NDRG2: variants seen among roughly 807,000 people sequenced by gnomAD.
NDRG2 encodes NDRG family member 2, also known as protein NDRG2.
In NDRG2, 34 loss-of-function variants were observed where a neutral mutation model predicts 58.2. That is an observed-to-expected ratio of 0.58 (90% CI 0.44 to 0.78). The LOEUF is 0.78. Ranked by LOEUF, NDRG2 falls within the 30% of genes least tolerant of loss-of-function variation. The pLI, the probability that NDRG2 is intolerant of heterozygous loss-of-function variation, is 0.00. For missense variants in NDRG2, 434 were observed against 471.2 expected, an observed-to-expected ratio of 0.92 and a Z score of 0.73; for synonymous variants, 187 against 175.9, an observed-to-expected ratio of 1.06 and a Z score of -0.50.
chr14:21,054,045 C>G (rs927702369), intron 1 of NDRG2, among the ~76,000 whole-genome samples: 1 of 152,130 alleles, frequency 6.6e-6, no homozygotes, highest in Non-Finnish European at 1.5e-5. Flanking sequence ...GAGTTGTACT[C>G]TCAGGGGTGA....
At chr14:21,019,467 C>T in intron 10 of NDRG2, 172 bp downstream of exon 10, 1 of 611,288 alleles carries the variant, frequency 1.6e-6, no homozygotes, top group Non-Finnish European at 2.9e-6. Flanking sequence ...CAGCCCCTTG[C>T]AATCCTTCCC....
At chr14:21,062,405 TC>T (rs1323231412) in intron 1 of NDRG2, among the ~76,000 whole-genome samples, 1 of 152,174 alleles carries the variant, frequency 6.6e-6, no homozygotes, top group Admixed American at 6.6e-5. Context: ...TGGACCTCTG[TC>T]TCTCCTCAGC....
chr14:21,040,519 A>G (rs372506772), intron 1 of NDRG2, among the ~76,000 whole-genome samples: 75 of 152,330 alleles, frequency 4.9e-4, no homozygotes, highest in South Asian at 2.7e-3. Flanking sequence ...CTTTAAGCTG[A>G]CACGTTCTTT....
upstream of NDRG2, chr14:21,025,375 G>A (rs1038500863): frequency 7.1e-6 from 7 of 985,554 alleles, no homozygotes; most frequent in Non-Finnish European, 6.0e-6. The surrounding 1 kb of genome is among the most constrained non-coding windows in gnomAD (Gnocchi z 5.1). Flanking sequence ...GCTGCCCTCA[G>A]CACCGCCCCA....
intron 7 of NDRG2, 94 bp from the exon 8 acceptor site, chr14:21,020,676 T>C: frequency 6.3e-7 from 1 of 1,575,018 alleles, no homozygotes; most frequent in Non-Finnish European, 8.7e-7. Flanking sequence ...CCACAGGGCC[T>C]GACTCCCCAC....
In NDRG2 at chr14:21,070,281, G is replaced by T. The variant is rs1179377535; in HGVS notation, c.24+547C>A. 6.2e-6 allele frequency: 7 copies of T among 1,120,560 alleles called. No homozygotes were observed. The highest frequency in any genetic ancestry group is 1.6e-5 in the African/African-American group (1 of 61,408). The allele number at this position is 1,120,560 out of a possible 1,614,324, so 69.4% of individuals were successfully genotyped here. A position where few individuals can be genotyped will look rare whatever the true frequency, so the allele number is the denominator to read the frequency against. ...AGCCGGAGCGGGCCGAGCCGCCACC[G>T]CGGCCGGAGCTGTCCCTTAGCCAGA... On this transcript the variant is annotated intron_variant, in intron 1 of 14. Coordinates refer to the NDRG2 transcript ENST00000403829. This position sits in a 1 kb window ranked among gnomAD's most constrained non-coding sequence, Gnocchi z 4.7.
At chr14:21,021,991 C>A in intron 5 of NDRG2, 71 bp downstream of exon 5, 1 of 1,612,442 alleles carries the variant, frequency 6.2e-7, no homozygotes, top group Non-Finnish European at 8.5e-7. Flanking sequence ...TTTCCTCCTC[C>A]CCAGTCGAAC....
intron 1 of NDRG2, among the ~76,000 whole-genome samples, chr14:21,063,271 G>A (rs1010639461): frequency 2.0e-5 from 3 of 152,174 alleles, no homozygotes; most frequent in Admixed American, 1.3e-4. Context: ...TGTTCAGGGT[G>A]AGGAAGTAAA....
At chr14:21,034,061 A>G in intron 1 of NDRG2, 1 of 1,614,214 alleles carries the variant, frequency 6.2e-7, no homozygotes, top group Non-Finnish European at 8.5e-7. Context: ...TCCAAGGGGC[A>G]TGTATCACAT....
intron 1 of NDRG2, chr14:21,032,226 G>C (rs3818611): frequency 0.028 from 23,753 of 834,216 alleles, 850 homozygotes; most frequent in East Asian, 0.11. Context: ...AGAGGGAGAA[G>C]AGGCAGCACA....
At position 21,017,054 on chromosome 14, in the gene NDRG2, C is replaced by T. The variant is rs781378231; in HGVS notation, c.*542G>A. 2.2e-6 allele frequency: 1 copy of T among 454,166 alleles called. No homozygotes were observed. The highest frequency in any genetic ancestry group is 4.4e-6 in the Non-Finnish European group (1 of 225,306). 28.1% of individuals were successfully genotyped at this position (454,166 alleles called of 1,614,324 possible). The stretch of plus-strand genomic sequence containing the variant: ...TGCCCGCCAACTCCCATTCCAACTT[C>T]CTTTTTACACTGGATGTTTCTATCA... On this transcript the variant is annotated 3_prime_UTR_variant, in exon 16 of 16. Transcript: ENST00000556147.
chr14:21,049,422 C>A (rs1468579582), intron 1 of NDRG2, among the ~76,000 whole-genome samples: 2 of 152,142 alleles, frequency 1.3e-5, no homozygotes, highest in East Asian at 3.8e-4. Context: ...CTTAGTTGAA[C>A]TTACACATTT....
chr14:21,046,181 T>TAA (rs1885136018), intron 1 of NDRG2, among the ~76,000 whole-genome samples: 1 of 152,214 alleles, frequency 6.6e-6, no homozygotes, highest in African/African-American at 2.4e-5. Flanking sequence ...TGTTCTGTAC[T>TAA]ATTTGTTAAA....
chr14:21,043,336 A>G, intron 1 of NDRG2: 1 of 1,614,190 alleles, frequency 6.2e-7, no homozygotes, highest in Non-Finnish European at 8.5e-7. Context: ...ACCTCAGGGA[A>G]GCATCCGAAC....
intron 1 of NDRG2, chr14:21,034,096 T>G (rs1884447135): frequency 6.2e-7 from 1 of 1,614,158 alleles, no homozygotes; most frequent in Non-Finnish European, 8.5e-7. Flanking sequence ...CAATCTGAAT[T>G]TTGCATCTTG....
intron 1 of NDRG2, among the ~76,000 whole-genome samples, chr14:21,041,637 G>A (rs760019958): frequency 3.9e-5 from 6 of 152,150 alleles, no homozygotes; most frequent in East Asian, 1.9e-4. Context: ...GCAGGATGTC[G>A]AGAGCAGCAA....
chr14:21,021,021 G>T (rs78157161), intron 6 of NDRG2, 177 bp from the exon 7 acceptor site: 1 of 708,258 alleles, frequency 1.4e-6, no homozygotes, highest in African/African-American at 1.7e-5. Context: ...AGGTTGGCAC[G>T]GGTAGTCAGG....
chr14:21,037,653 T>C (rs902561848), intron 1 of NDRG2, among the ~76,000 whole-genome samples: 2 of 152,214 alleles, frequency 1.3e-5, no homozygotes, highest in African/African-American at 4.8e-5. Flanking sequence ...GTCTAAATAA[T>C]TAGCTAATCA....
rs955421912 is a variant in NDRG2 at position 21,024,333 on chromosome 14, G to A, written c.-310C>T. ...GGCTGCGCGGAGGAGAGAAGGAAGT[G>A]CTGATGTGGAGGTAAGAGGGTGGCC... On this transcript the variant is annotated 5_prime_UTR_variant, in exon 1 of 16. Transcript: ENST00000556147. 1 of 981,852 alleles carries A rather than the reference G, an allele frequency of 1.0e-6. No individual in the cohort carries two copies. The highest frequency in any genetic ancestry group is 1.2e-6 in the Non-Finnish European group (1 of 826,854). The allele number at this position is 981,852 out of a possible 1,614,324, so 60.8% of individuals were successfully genotyped here.
Sources: gnomAD v4.1 joint callset for allele counts (sites outside exome capture counted in the v4.1 genomes callset) on GRCh38, gnomAD v4.1.1 for gene constraint, Gnocchi (gnomAD v3.1) non-coding constraint, MANE v1.5 for transcripts, NCBI Gene and HGNC (gene_info 2026-07-23, HGNC 2026-07-21) for gene names.